CACNA1H: variants seen among roughly 807,000 people sequenced by gnomAD.
CACNA1H encodes the protein voltage-dependent T-type calcium channel subunit alpha-1H.
Under a neutral mutation model 192.5 loss-of-function variants are expected in CACNA1H, and 149 were observed. The ratio of observed to expected loss-of-function variants is 0.77; its 90% CI spans 0.68 to 0.89. The LOEUF (loss-of-function observed/expected upper bound fraction) is 0.89, where lower values mean the gene tolerates loss of function less well. Ranked by LOEUF, CACNA1H falls within the 40% of genes least tolerant of loss-of-function variation. CACNA1H has a pLI of 0.00. For missense variants in CACNA1H, 4,257 were observed against 3,423.5 expected (o/e 1.24, Z -6.08); for synonymous variants, 2,202 against 1,475.2 (o/e 1.49, Z -11.29).
chr16:1,205,214 G>A lies in CACNA1H; in HGVS notation c.2552G>A (p.Gly851Asp). The change falls in exon 11 of 35, where the codon GGC becomes GAC. Residue 851 changes from glycine (G) to aspartate (D), a missense_variant. Physicochemically the swap from Gly to Asp is moderately conservative, Grantham distance 94. Transcript: ENST00000348261. ...LLKLLACGPL[G>D]YIRNPYNIFD... is the part of the protein sequence containing the mutation. ...AAGCTGCTGGCCTGCGGCCCTCTGG[G>A]CTACATCCGGAACCCGTACAACATC... 1 of 1,613,000 alleles carries A rather than the reference G, an allele frequency of 6.2e-7. No individual in the cohort carries two copies. The highest frequency in any genetic ancestry group is 8.5e-7 in the Non-Finnish European group (1 of 1,179,768).
intron 12 of CACNA1H, 79 bp downstream of exon 12, chr16:1,206,368 G>T: frequency 1.5e-6 from 2 of 1,342,122 alleles, no homozygotes. Flanking sequence ...GGCACCCCCC[G>T]AAGGAGAAGG....
chr16:1,180,138 G>C lies in CACNA1H; in HGVS notation c.300-14834G>C, dbSNP rs567350510. On this transcript the variant is annotated intron_variant, in intron 2 of 34. Coordinates refer to ENST00000348261, the MANE Select transcript of CACNA1H (RefSeq NM_021098.3). The surrounding 1 kb of genome is among the most constrained non-coding windows in gnomAD (Gnocchi z 4.4). ...CGTCGTGTGGATGGACGGCCAGCCCGTTGGGTGCCCTGGCTGGGTCCCTGT... is the reference window on the plus strand; with the variant it reads ...CGTCGTGTGGATGGACGGCCAGCCCCTTGGGTGCCCTGGCTGGGTCCCTGT... Among the ~76,000 whole-genome samples, 2 of 152,126 alleles carry C rather than the reference G, an allele frequency of 1.3e-5. No individual in the cohort carries two copies. Among genetic ancestry groups the C allele is most frequent in the Non-Finnish European group, 2.9e-5 (2 of 68,014 alleles).
In CACNA1H at chr16:1,185,666, C is replaced by G. The variant is rs1368523234; in HGVS notation, c.300-9306C>G. On this transcript the variant is annotated intron_variant, in intron 2 of 34. Coordinates refer to ENST00000348261, the MANE Select transcript of CACNA1H (RefSeq NM_021098.3). Reference sequence around the variant, plus strand: ...GTAGACGGTCGGCATGCATAGGGGCCGGAGGCGGGGTGTGTACGGGGCGGG... The same window carrying G: ...GTAGACGGTCGGCATGCATAGGGGCGGGAGGCGGGGTGTGTACGGGGCGGG... Among the ~76,000 whole-genome samples the G allele has an allele frequency of 5.5e-4, 13 of 23,760 alleles. 1 individual carries two copies. Among genetic ancestry groups the G allele is most frequent in the Non-Finnish European group, 1.0e-3 (8 of 7,660 alleles). The allele number at this position is 23,760 out of a possible 152,430, so 15.6% of individuals were successfully genotyped here. A position where few individuals can be genotyped will look rare whatever the true frequency, so the allele number is the denominator to read the frequency against.
At chr16:1,203,319 T>G (rs1393920602) in intron 9 of CACNA1H, among the ~76,000 whole-genome samples, 1 of 152,192 alleles carries the variant, frequency 6.6e-6, no homozygotes, top group East Asian at 1.9e-4. Context: ...AACCATGGTT[T>G]GCTCGCATCG....
chr16:1,177,480 G>A (rs2151738974), intron 2 of CACNA1H, among the ~76,000 whole-genome samples: 1 of 152,324 alleles, frequency 6.6e-6, no homozygotes, highest in African/African-American at 2.4e-5. Context: ...TCACACGTCT[G>A]TCATAGGTTT....
At chr16:1,200,600 C>T in intron 7 of CACNA1H, 29 bp downstream of exon 7, 1 of 1,609,304 alleles carries the variant, frequency 6.2e-7, no homozygotes, top group Non-Finnish European at 8.5e-7. Flanking sequence ...GGACGGGGAC[C>T]CTGGGGCACG....
Position 1,164,194 on chromosome 16 carries a change from TTAAG to T in CACNA1H, c.299+10163_299+10166del, listed in dbSNP as rs562146271. Among the ~76,000 whole-genome samples the T allele has an allele frequency of 1.9e-3, 285 of 152,302 alleles. 2 individuals are homozygous for T. The highest frequency in any genetic ancestry group is 6.4e-3 in the African/African-American group (265 of 41,572). ...CCGTTCAGTTATGTTTGGATTTCAG[TTAAG>T]TAAGAATGTCTTAGGGTGAGGGGTG... On this transcript the variant is annotated intron_variant, in intron 2 of 34. Transcript: ENST00000348261.
intron 16 of CACNA1H, 73 bp downstream of exon 16, chr16:1,208,294 T>TCATCTTCAGG: frequency 9.5e-7 from 1 of 1,052,916 alleles, no homozygotes; most frequent in Non-Finnish European, 1.4e-6. Context: ...TGGCCTTCCC[T>TCATCTTCAGG]GAAGATGAGT....
Position 1,195,451 on chromosome 16 carries a change from T to C in CACNA1H, c.431T>C (p.Phe144Ser). 1 of 1,560,000 alleles carries C rather than the reference T, an allele frequency of 6.4e-7. No homozygotes were observed. Among genetic ancestry groups the C allele is most frequent in the Non-Finnish European group, 8.7e-7 (1 of 1,151,644 alleles). ...NILEAFDAFI[F>S]AFFAVEMVIK... Reference sequence around the variant, plus strand: ...CCGCAGGCCTTTGACGCCTTCATTTTCGCCTTTTTTGCGGTGGAGATGGTC... The same window carrying C: ...CCGCAGGCCTTTGACGCCTTCATTTCCGCCTTTTTTGCGGTGGAGATGGTC... Residue 144 changes from phenylalanine to serine, a missense_variant, in exon 4 of 35, where the codon TTC becomes TCC. By Grantham distance (155) the Phe-to-Ser change is radical. Transcript: ENST00000348261.
intron 11 of CACNA1H, among the ~76,000 whole-genome samples, chr16:1,205,878 AG>A (rs1212979160): frequency 6.6e-6 from 1 of 152,152 alleles, no homozygotes. Context: ...CTTCTTTCCC[AG>A]GGGGCACTGG....
chr16:1,182,956 A>T (rs976535796), intron 2 of CACNA1H, among the ~76,000 whole-genome samples: 11 of 152,084 alleles, frequency 7.2e-5, no homozygotes, highest in Non-Finnish European at 1.2e-4. Context: ...GCAGGTTCTC[A>T]GGAGGGCAAG....
intron 26 of CACNA1H, 61 bp downstream of exon 26, chr16:1,212,589 CG>C (rs1969589398): frequency 3.8e-6 from 6 of 1,573,426 alleles, no homozygotes; most frequent in Non-Finnish European, 5.2e-6. Flanking sequence ...CGGGGAAGGG[CG>C]GGCATCCCAG....
Position 1,208,172 on chromosome 16 carries a change from G to A in CACNA1H, c.3314G>A (p.Arg1105His), listed in dbSNP as rs764071122. The A allele has an allele frequency of 2.8e-5, 44 of 1,563,050 alleles. No homozygotes were observed. The highest frequency in any genetic ancestry group is 2.2e-4 in the East Asian group (9 of 41,674). The change falls in exon 16 of 35, where the codon CGT becomes CAT. Residue 1105 changes from arginine to histidine, a missense_variant. By Grantham distance (29) the Arg-to-His change is conservative (BLOSUM62 0). Coordinates refer to ENST00000348261, the MANE Select transcript of CACNA1H (RefSeq NM_021098.3). ...DAAPSLPDSR[R>H]GSSSSGDPPL... ...GCCCCCAGCCTCCCAGACTCTCGGC[G>A]TGGCAGCAGCAGCTCCGGGGACCCG...
At chr16:1,203,235 C>T (rs1012430474) in intron 9 of CACNA1H, among the ~76,000 whole-genome samples, 6 of 152,276 alleles carry the variant, frequency 3.9e-5, no homozygotes, top group African/African-American at 7.2e-5. Context: ...AAGAGGCACA[C>T]GGGCTCCAAA....
intron 2 of CACNA1H, among the ~76,000 whole-genome samples, chr16:1,181,915 T>G (rs1243488896): frequency 6.6e-6 from 1 of 151,894 alleles, no homozygotes; most frequent in Admixed American, 6.6e-5. Flanking sequence ...CATGCGCCCC[T>G]CACACATGCA....
At chr16:1,174,282 TG>T (rs1964651386) in intron 2 of CACNA1H, among the ~76,000 whole-genome samples, 1 of 152,210 alleles carries the variant, frequency 6.6e-6, no homozygotes, top group South Asian at 2.1e-4. Flanking sequence ...ACGGGCCAGC[TG>T]CCTTTCTCTC....
rs1407211468 is a variant in CACNA1H, at chr16:1,211,402, C to T, written c.4351-79C>T. The stretch of plus-strand genomic sequence containing the variant: ...GCGGGACGGGGAGGGACAGCTCGGG[C>T]CTCACTCGCGCCCCAGGAAGTCCGG... On this transcript the variant is annotated intron_variant, in intron 22 of 34. Transcript: ENST00000348261. 6.2e-6 allele frequency: 10 copies of T among 1,606,406 alleles called. No homozygotes were observed. The South Asian group carries it at 7.7e-5, about 12-fold the overall frequency.
At chr16:1,156,349 C>T (rs1265011964) in intron 2 of CACNA1H, among the ~76,000 whole-genome samples, 1 of 152,196 alleles carries the variant, frequency 6.6e-6, no homozygotes, top group Admixed American at 6.5e-5. Context: ...GTGGGTGTGA[C>T]CACCAGCAGA....
intron 2 of CACNA1H, among the ~76,000 whole-genome samples, chr16:1,154,839 G>C (rs1962091458): frequency 6.6e-6 from 1 of 152,202 alleles, no homozygotes; most frequent in Non-Finnish European, 1.5e-5. Context: ...CGGAGGTCCA[G>C]GGGGCCCCCC....
Sources: gnomAD v4.1 joint callset for allele counts (sites outside exome capture counted in the v4.1 genomes callset) on GRCh38, gnomAD v4.1.1 for gene constraint, Gnocchi (gnomAD v3.1) non-coding constraint, MANE v1.5 for transcripts, NCBI Gene and HGNC (gene_info 2026-07-23, HGNC 2026-07-21) for gene names.